The following PCMT1 variants were observed in gnomAD, a reference collection of about 807,000 sequenced individuals.
The protein encoded by PCMT1 is protein-L-isoaspartate(D-aspartate) O-methyltransferase.
In PCMT1, 9 loss-of-function variants were observed where a neutral mutation model predicts 29.2. That is an observed-to-expected ratio of 0.31 (90% CI 0.19 to 0.54). The LOEUF (loss-of-function observed/expected upper bound fraction) is 0.54, where lower values mean the gene tolerates loss of function less well. Ranked by LOEUF, PCMT1 falls within the 20% of genes least tolerant of loss-of-function variation. The pLI, the probability that PCMT1 is intolerant of heterozygous loss-of-function variation, is 0.95. For missense variants in PCMT1, 184 were observed against 282.2 expected (o/e 0.65, Z 2.49); for synonymous variants, 98 against 97.5 (o/e 1.00, Z -0.03).
At chr6:149,771,068 C>A in intron 1 of PCMT1, 94 bp from the exon 2 acceptor site, 1 of 628,360 alleles carries the variant, frequency 1.6e-6, no homozygotes, top group Non-Finnish European at 2.7e-6. Flanking sequence ...TTCTCTCTTC[C>A]AGTTCAGTCT....
At chr6:149,765,078 G>A (rs1331791595) in intron 1 of PCMT1, among the ~76,000 whole-genome samples, 5 of 149,350 alleles carry the variant, frequency 3.3e-5, no homozygotes, top group African/African-American at 7.4e-5. Flanking sequence ...AAAATAATGC[G>A]GCCAGGTGCG....
chr6:149,804,585 C>T (rs1180758755), intron 7 of PCMT1, among the ~76,000 whole-genome samples: 1 of 151,928 alleles, frequency 6.6e-6, no homozygotes, highest in African/African-American at 2.4e-5. Context: ...GCAATCTCAG[C>T]TCACTACAAC....
intron 3 of PCMT1, among the ~76,000 whole-genome samples, chr6:149,786,748 C>CA (rs1311296148): frequency 6.7e-6 from 1 of 150,202 alleles, no homozygotes; most frequent in African/African-American, 2.5e-5. Context: ...CCCCACATCT[C>CA]AGACGATGGG....
intron 3 of PCMT1, among the ~76,000 whole-genome samples, chr6:149,785,872 T>G (rs1426793431): frequency 6.6e-6 from 1 of 152,214 alleles, no homozygotes; most frequent in Non-Finnish European, 1.5e-5. Context: ...CCCCTTTCTA[T>G]TCCACAAAGC....
At chr6:149,751,130 G>A (rs1287001753) in intron 1 of PCMT1, among the ~76,000 whole-genome samples, 6 of 152,016 alleles carry the variant, frequency 3.9e-5, no homozygotes, top group African/African-American at 1.4e-4. Context: ...CAGCCAGGCC[G>A]ACATGGTGAA....
chr6:149,809,614 T>C (rs1776109273), intron 7 of PCMT1, among the ~76,000 whole-genome samples: 1 of 152,174 alleles, frequency 6.6e-6, no homozygotes, highest in South Asian at 2.1e-4. Context: ...CCCACTTACT[T>C]GTGAAATTAT....
At chr6:149,771,456 G>A (rs1423905989) in intron 2 of PCMT1, among the ~76,000 whole-genome samples, 190 bp downstream of exon 2, 2 of 151,704 alleles carry the variant, frequency 1.3e-5, no homozygotes, top group East Asian at 1.9e-4. Flanking sequence ...CTGTTTTCTC[G>A]AACAATATAT....
At chr6:149,801,415 G>A (rs1344709260) in intron 6 of PCMT1, among the ~76,000 whole-genome samples, 6 of 151,942 alleles carry the variant, frequency 3.9e-5, no homozygotes, top group African/African-American at 7.3e-5. Context: ...TTCCAGTTTC[G>A]GGTTTTCAGA....
chr6:149,772,591 C>T (rs768257048), intron 2 of PCMT1: 3 of 455,880 alleles, frequency 6.6e-6, no homozygotes, highest in African/African-American at 2.0e-5. Flanking sequence ...AGCTGCCGTA[C>T]TTTAGAGGGA....
At chr6:149,770,618 A>G (rs879495598) in intron 1 of PCMT1, among the ~76,000 whole-genome samples, 12 of 150,856 alleles carry the variant, frequency 8.0e-5, no homozygotes, top group African/African-American at 1.2e-4. Flanking sequence ...AGGCAGGAGA[A>G]TCACTTGAAC....
At chr6:149,776,284 GTT>G (rs1358115088) in intron 3 of PCMT1, among the ~76,000 whole-genome samples, 1 of 151,810 alleles carries the variant, frequency 6.6e-6, no homozygotes, top group African/African-American at 2.4e-5. Context: ...GTCTTGCTCT[GTT>G]GCCCAGGCTG....
In PCMT1 at chr6:149,749,743, A is replaced by G. The variant is rs1225707949; in HGVS notation, c.-159A>G. ...GCCGCGGGGGATGCCGGGAGCGCGCAGTGGCGGCAGCGGCGGCGACGGCAG... is the reference window on the plus strand; with the variant it reads ...GCCGCGGGGGATGCCGGGAGCGCGCGGTGGCGGCAGCGGCGGCGACGGCAG... On this transcript the variant is annotated 5_prime_UTR_variant, in exon 1 of 8. Transcript: ENST00000464889. The G allele has an allele frequency of 5.8e-6, 9 of 1,545,894 alleles. No homozygotes were observed. In the Admixed American group the frequency reaches 1.6e-4, roughly 27 times the overall value.
At chr6:149,794,674 C>T (rs1033761409) in intron 5 of PCMT1, 1 of 377,068 alleles carries the variant, frequency 2.7e-6, no homozygotes, top group Non-Finnish European at 5.2e-6. Context: ...ACAGCCATCC[C>T]CTAGAGGGAT....
At chr6:149,761,291 A>T (rs545340661) in intron 1 of PCMT1, among the ~76,000 whole-genome samples, 114 of 151,928 alleles carry the variant, frequency 7.5e-4, no homozygotes, top group African/African-American at 2.7e-3. Flanking sequence ...ACATATATAT[A>T]TACACATACA....
rs1182325070 is a variant in PCMT1 at position 149,765,419 on chromosome 6, T to G, written c.56-5743T>G. Among the ~76,000 whole-genome samples, 4 of 151,860 alleles carry G rather than the reference T, an allele frequency of 2.6e-5. No homozygotes were observed. In the East Asian group the frequency reaches 7.7e-4, roughly 29 times the overall value. ...CAGTGTTTTATTCTAATTACCTTTT[T>G]GGGTAGCTTGCCTATGCTTCTTCGG... On this transcript the variant is annotated intron_variant, in intron 1 of 7. Transcript: ENST00000464889.
intron 6 of PCMT1, among the ~76,000 whole-genome samples, chr6:149,801,562 T>A (rs1303691311): frequency 6.6e-6 from 1 of 152,250 alleles, no homozygotes; most frequent in East Asian, 1.9e-4. Context: ...TTCTCCTGCC[T>A]CAGCCTCCCA....
Position 149,787,309 on chromosome 6 carries a change from A to AGGGAGACCGTG in PCMT1, c.193-2639_193-2638insCCGTGGGGAGA, listed in dbSNP as rs1375095599. 1.2e-4 allele frequency among the ~76,000 whole-genome samples: 18 copies of AGGGAGACCGTG among 148,004 alleles called. 1 individual carries two copies. Among genetic ancestry groups the AGGGAGACCGTG allele is most frequent in the East Asian group, 6.2e-4 (3 of 4,870 alleles). On this transcript the variant is annotated intron_variant, in intron 3 of 7. Transcript: ENST00000464889. ...GTGGGTAGAGGGAGACCGTGGGGAG[A>AGGGAGACCGTG]GGGAGAGGGAGAGGGAGCGGGAGCG...
At chr6:149,793,821 C>T (rs1788486446) in intron 5 of PCMT1, 152 bp downstream of exon 5, 2 of 605,922 alleles carry the variant, frequency 3.3e-6, no homozygotes, top group South Asian at 9.1e-5. Context: ...TTTTGCTCAC[C>T]TAGTGTGTAT....
intron 4 of PCMT1, among the ~76,000 whole-genome samples, chr6:149,791,846 T>G (rs1347982675): frequency 6.6e-6 from 1 of 152,208 alleles, no homozygotes; most frequent in Non-Finnish European, 1.5e-5. Flanking sequence ...TAAAAAATCA[T>G]TTGGTTTCTG....
Sources: gnomAD v4.1 joint callset for allele counts (sites outside exome capture counted in the v4.1 genomes callset) on GRCh38, gnomAD v4.1.1 for gene constraint, MANE v1.5 for transcripts, NCBI Gene and HGNC (gene_info 2026-07-23, HGNC 2026-07-21) for gene names.